Variants in SLC25A21 observed in about 807,000 individuals in gnomAD.
SLC25A21 encodes the protein mitochondrial 2-oxodicarboxylate carrier.
SLC25A21 carries 47 observed loss-of-function variants against 43.8 expected under a neutral mutation model. The observed-to-expected ratio is 1.07, with a 90% confidence interval of 0.85 to 1.37. SLC25A21 has a LOEUF of 1.37. SLC25A21 is among the 40% of genes most tolerant of loss of function. The pLI is 0.00. For synonymous variants in SLC25A21, 131 were observed against 121.3 expected (o/e 1.08, Z -0.52); for missense variants, 352 against 350.2 (o/e 1.00, Z -0.04).
chr14:37,051,252 A>C lies in SLC25A21; in HGVS notation c.70+121029T>G, dbSNP rs143575617. 6.3e-4 allele frequency among the ~76,000 whole-genome samples: 96 copies of C among 152,330 alleles called. 2 individuals are homozygous for C. Among genetic ancestry groups the C allele is most frequent in the African/African-American group, 2.2e-3 (93 of 41,582 alleles). ...AATTCTAAATCTCAAAATATCTATC[A>C]TTAAAGAATACCTGAGGGAGAAGGG... On this transcript the variant is annotated intron_variant, in intron 1 of 9. Transcript: ENST00000331299.
intron 1 of SLC25A21, among the ~76,000 whole-genome samples, chr14:37,088,857 T>C (rs1434034314): frequency 6.6e-6 from 1 of 152,206 alleles, no homozygotes; most frequent in Non-Finnish European, 1.5e-5. Flanking sequence ...CTAACCAGCA[T>C]TATTTCTTTC....
chr14:36,918,474 G>GA (rs1261289570), intron 1 of SLC25A21, among the ~76,000 whole-genome samples: 1 of 152,074 alleles, frequency 6.6e-6, no homozygotes, highest in Non-Finnish European at 1.5e-5. Flanking sequence ...AATCCTTCCT[G>GA]AAAACCAAAA....
intron 1 of SLC25A21, among the ~76,000 whole-genome samples, chr14:37,116,008 C>T (rs1963099389): frequency 6.6e-6 from 1 of 151,970 alleles, no homozygotes; most frequent in African/African-American, 2.4e-5. Flanking sequence ...TTATATTTAT[C>T]TATGTAAAAC....
intron 1 of SLC25A21, among the ~76,000 whole-genome samples, chr14:37,115,120 G>C (rs1673817346): frequency 6.6e-6 from 1 of 152,128 alleles, no homozygotes; most frequent in Non-Finnish European, 1.5e-5. Context: ...ATCAAAGAGA[G>C]TTTCTTTGAG....
At chr14:37,137,577 G>A (rs935183848) in intron 1 of SLC25A21, among the ~76,000 whole-genome samples, 9 of 152,132 alleles carry the variant, frequency 5.9e-5, no homozygotes, top group Non-Finnish European at 1.3e-4. Context: ...GAAAACCTCC[G>A]TTAGTAGCTG....
chr14:36,962,606 A>T (rs2138675927), intron 1 of SLC25A21, among the ~76,000 whole-genome samples: 1 of 152,270 alleles, frequency 6.6e-6, no homozygotes, highest in African/African-American at 2.4e-5. Flanking sequence ...TATTTCGCTT[A>T]GCATAATGTC....
At chr14:36,803,852 C>T (rs1887949602) in intron 3 of SLC25A21, among the ~76,000 whole-genome samples, 2 of 152,102 alleles carry the variant, frequency 1.3e-5, no homozygotes, top group African/African-American at 4.8e-5. Flanking sequence ...TGAGGTTTTC[C>T]TGGTTATTAC....
intron 3 of SLC25A21, among the ~76,000 whole-genome samples, chr14:36,787,770 T>C (rs1201835993): frequency 1.3e-5 from 2 of 152,228 alleles, no homozygotes; most frequent in Non-Finnish European, 1.5e-5. Context: ...GTCCAGCCAA[T>C]ATAAATAACT....
At chr14:37,143,183 T>C (rs1963599773) in intron 1 of SLC25A21, among the ~76,000 whole-genome samples, 3 of 152,332 alleles carry the variant, frequency 2.0e-5, no homozygotes, top group Admixed American at 6.5e-5. Flanking sequence ...CTTTTCAAGT[T>C]AAAAAAGTTT....
intron 3 of SLC25A21, among the ~76,000 whole-genome samples, chr14:36,793,998 T>C (rs1007066175): frequency 1.3e-5 from 2 of 150,512 alleles, no homozygotes; most frequent in East Asian, 1.9e-4. Flanking sequence ...TATTGGGCTA[T>C]GAAAAGAATA....
rs368257353 is a variant in SLC25A21 at position 36,783,654 on chromosome 14, G to C, written c.203+30264C>G. On this transcript the variant is annotated intron_variant, in intron 3 of 9. Transcript: ENST00000331299. ...TGAGCTGTGCCACCTTGGGAAAGGGGGACATGGGTAAAATGAAACTATTCT... is the reference window on the plus strand; with the variant it reads ...TGAGCTGTGCCACCTTGGGAAAGGGCGACATGGGTAAAATGAAACTATTCT... Among the ~76,000 whole-genome samples the C allele has an allele frequency of 3.4e-4, 51 of 152,186 alleles. No homozygotes were observed. The South Asian group carries it at 0.01, about 31-fold the overall frequency.
intron 1 of SLC25A21, among the ~76,000 whole-genome samples, chr14:37,136,494 C>T (rs573762643): frequency 2.0e-4 from 31 of 152,140 alleles, no homozygotes; most frequent in Admixed American, 3.3e-4. Flanking sequence ...TAATTAAGTT[C>T]TTTTAAGAAC....
intron 7 of SLC25A21, among the ~76,000 whole-genome samples, chr14:36,707,672 T>C (rs1486208173): frequency 6.6e-6 from 1 of 152,192 alleles, no homozygotes; most frequent in African/African-American, 2.4e-5. Flanking sequence ...GGAAATGAAA[T>C]TCTGAGCCAC....
intron 2 of SLC25A21, among the ~76,000 whole-genome samples, chr14:36,852,547 G>A (rs1409295342): frequency 6.6e-6 from 1 of 152,070 alleles, no homozygotes; most frequent in Non-Finnish European, 1.5e-5. Flanking sequence ...TCATTTCAAG[G>A]ACCAGAAAGT....
chr14:36,944,908 A>G (rs565497354), intron 1 of SLC25A21, among the ~76,000 whole-genome samples: 2 of 152,280 alleles, frequency 1.3e-5, no homozygotes, highest in Admixed American at 1.3e-4. Context: ...TCAAACTGAA[A>G]TATATGATGG....
intron 7 of SLC25A21, among the ~76,000 whole-genome samples, chr14:36,695,400 T>C (rs1023969539): frequency 6.6e-6 from 1 of 152,208 alleles, no homozygotes; most frequent in African/African-American, 2.4e-5. Context: ...GCAGGCTCTT[T>C]TTCGGTTCCA....
At chr14:37,151,348 CA>C (rs1963756014) in intron 1 of SLC25A21, among the ~76,000 whole-genome samples, 1 of 152,118 alleles carries the variant, frequency 6.6e-6, no homozygotes, top group Admixed American at 6.6e-5. Context: ...ACTTCCTGAC[CA>C]ATTGCCTGTA....
intron 3 of SLC25A21, among the ~76,000 whole-genome samples, chr14:36,808,658 G>A (rs1013915702): frequency 2.6e-5 from 4 of 152,096 alleles, no homozygotes; most frequent in Non-Finnish European, 5.9e-5. Context: ...GTGGCTTTGG[G>A]TAAGTTATTT....
At chr14:36,976,961 G>A (rs182659213) in intron 1 of SLC25A21, among the ~76,000 whole-genome samples, 45 of 152,254 alleles carry the variant, frequency 3.0e-4, no homozygotes, top group South Asian at 1.2e-3. Context: ...TTCTCAGCCC[G>A]AACACAGGTG....
Sources: gnomAD v4.1 joint callset for allele counts (sites outside exome capture counted in the v4.1 genomes callset) on GRCh38, gnomAD v4.1.1 for gene constraint, MANE v1.5 for transcripts, NCBI Gene and HGNC (gene_info 2026-07-23, HGNC 2026-07-21) for gene names.